The following NXPE2 variants were observed in gnomAD, a reference collection of about 807,000 sequenced individuals.
The protein encoded by NXPE2 is neurexophilin and PC-esterase domain family member 2, also known as NXPE family member 2.
NXPE2 carries 34 observed loss-of-function variants against 34.4 expected under a neutral mutation model. That is an observed-to-expected ratio of 0.99 (90% CI 0.75 to 1.31). The LOEUF (loss-of-function observed/expected upper bound fraction) is 1.31, where lower values mean the gene tolerates loss of function less well. NXPE2 is among the 40% of genes most tolerant of loss of function. NXPE2 has a pLI of 0.00. For missense variants in NXPE2, 649 were observed against 672.5 expected (o/e 0.97, Z 0.39); for synonymous variants, 235 against 231.3 (o/e 1.02, Z -0.15).
the NXPE2 span, among the ~76,000 whole-genome samples, chr11:114,519,691 G>A: frequency 3.3e-5 from 5 of 152,116 alleles, no homozygotes; most frequent in African/African-American, 4.8e-5. Context: ...GTAGAGTGGT[G>A]CAGAGGCTTC....
At chr11:114,808,747 C>G in the NXPE2 span, among the ~76,000 whole-genome samples, 1 of 152,232 alleles carries the variant, frequency 6.6e-6, no homozygotes, top group Non-Finnish European at 1.5e-5. Context: ...GATTCACAGC[C>G]AAATTCTACC....
At chr11:114,711,235 C>G (rs1393867969), downstream of NXPE2, among the ~76,000 whole-genome samples, 1 of 151,870 alleles carries the variant, frequency 6.6e-6, no homozygotes, top group Non-Finnish European at 1.5e-5. Context: ...AAATTTCCAG[C>G]CAGAGCAATT....
At chr11:114,634,896 G>GTGA in the NXPE2 span, among the ~76,000 whole-genome samples, 1 of 152,010 alleles carries the variant, frequency 6.6e-6, no homozygotes, top group African/African-American at 2.4e-5. Flanking sequence ...GTCAGGTAGT[G>GTGA]TGATGCCTCC....
At chr11:114,496,010 T>C in the NXPE2 span, among the ~76,000 whole-genome samples, 93,517 of 152,020 alleles carry the variant, frequency 0.62, 30,395 homozygotes, top group African/African-American at 0.84. Context: ...CTCCTGGCCA[T>C]AGCAGCTGGT....
the NXPE2 span, among the ~76,000 whole-genome samples, chr11:114,527,666 C>G: frequency 6.6e-6 from 1 of 152,178 alleles, no homozygotes; most frequent in African/African-American, 2.4e-5. Flanking sequence ...ATGTAATCTC[C>G]TATAAACATT....
chr11:114,617,874 C>A, the NXPE2 span, among the ~76,000 whole-genome samples: 1 of 152,058 alleles, frequency 6.6e-6, no homozygotes, highest in South Asian at 2.1e-4. Flanking sequence ...TCATGGGTAA[C>A]CACTCTTACC....
chr11:114,806,859 T>C, the NXPE2 span, among the ~76,000 whole-genome samples: 66 of 152,028 alleles, frequency 4.3e-4, no homozygotes, highest in African/African-American at 1.5e-3. Context: ...AGATACTCCT[T>C]GAGAAGAGCA....
the NXPE2 span, chr11:114,571,330 A>T: frequency 6.2e-7 from 1 of 1,613,974 alleles, no homozygotes; most frequent in Non-Finnish European, 8.5e-7. Flanking sequence ...CGGGTGAGGT[A>T]CTCCATCTCT....
At chr11:114,522,587 C>T in the NXPE2 span, 1 of 1,197,034 alleles carries the variant, frequency 8.4e-7, no homozygotes, top group Non-Finnish European at 1.1e-6. Context: ...TTAAAATACC[C>T]ACCCTACCTA....
intron 4 of NXPE2, among the ~76,000 whole-genome samples, chr11:114,704,273 G>A (rs1365040699): frequency 6.6e-6 from 1 of 152,112 alleles, no homozygotes; most frequent in Non-Finnish European, 1.5e-5. Flanking sequence ...AAAGGCTAGG[G>A]AAACCATTAA....
the NXPE2 span, among the ~76,000 whole-genome samples, chr11:114,625,054 GGAT>G: frequency 6.6e-6 from 1 of 152,086 alleles, no homozygotes; most frequent in African/African-American, 2.4e-5. Flanking sequence ...GTTACCCTGT[GGAT>G]GATAAATATT....
At chr11:114,547,140 G>A in the NXPE2 span, among the ~76,000 whole-genome samples, 1 of 152,076 alleles carries the variant, frequency 6.6e-6, no homozygotes, top group African/African-American at 2.4e-5. Flanking sequence ...GAGCAGGGTG[G>A]GGCAGAAGGA....
chr11:114,486,408 C>A, the NXPE2 span, among the ~76,000 whole-genome samples: 1 of 152,160 alleles, frequency 6.6e-6, no homozygotes, highest in South Asian at 2.1e-4. Context: ...AATGCCTTGT[C>A]AGGTGAGTAG....
chr11:114,597,366 C>A, the NXPE2 span, among the ~76,000 whole-genome samples: 31 of 152,028 alleles, frequency 2.0e-4, no homozygotes, highest in African/African-American at 7.0e-4. Context: ...GGTGGACAAA[C>A]TTTTTCTGTA....
the NXPE2 span, among the ~76,000 whole-genome samples, chr11:114,731,877 G>A: frequency 6.6e-6 from 1 of 152,064 alleles, no homozygotes; most frequent in Non-Finnish European, 1.5e-5. Flanking sequence ...GTTACCATTG[G>A]GGGAAACTGG....
chr11:114,810,813 T>C, the NXPE2 span, among the ~76,000 whole-genome samples: 324 of 152,096 alleles, frequency 2.1e-3, 6 homozygotes, highest in Admixed American at 0.019. Flanking sequence ...AGAAATACCA[T>C]TTGACCCAGC....
At chr11:114,700,365 G>T (rs768694940) in intron 3 of NXPE2, among the ~76,000 whole-genome samples, 3 of 152,190 alleles carry the variant, frequency 2.0e-5, no homozygotes, top group Non-Finnish European at 4.4e-5. Context: ...GTCAGGTAAG[G>T]CTTGTCTTGA....
the NXPE2 span, among the ~76,000 whole-genome samples, chr11:114,729,952 G>A: frequency 6.6e-6 from 1 of 152,064 alleles, no homozygotes; most frequent in African/African-American, 2.4e-5. Context: ...AATTGCTTTT[G>A]AGACTTAGTC....
At chr11:114,680,807 C>G (rs553337161) in intron 2 of NXPE2, among the ~76,000 whole-genome samples, 2 of 152,264 alleles carry the variant, frequency 1.3e-5, no homozygotes, top group South Asian at 4.2e-4. Context: ...CTATGTCCTT[C>G]CAAAAGTGAA....
Sources: allele counts gnomAD v4.1 joint callset (sites outside exome capture counted in the v4.1 genomes callset), GRCh38; gene constraint gnomAD v4.1.1; transcripts MANE v1.5; gene names NCBI Gene and HGNC (gene_info 2026-07-23, HGNC 2026-07-21).